C3orf20: variants seen among roughly 807,000 people sequenced by gnomAD.
C3orf20 encodes family with sequence similarity 149 member C.
Under a neutral mutation model 88.3 loss-of-function variants are expected in C3orf20, and 76 were observed. The observed-to-expected ratio is 0.86, with a 90% CI of 0.72 to 1.04. C3orf20 has a LOEUF of 1.04. C3orf20 is among the 50% of genes least tolerant of loss of function. The pLI is 0.00. For missense variants in C3orf20, 1,056 were observed against 1,123.3 expected (o/e 0.94, Z 0.86); for synonymous variants, 436 against 437.4 (o/e 1.00, Z 0.04).
intron 12 of C3orf20, among the ~76,000 whole-genome samples, chr3:14,732,628 C>T (rs545862659): frequency 3.3e-5 from 5 of 152,234 alleles, no homozygotes; most frequent in South Asian, 2.1e-4. Context: ...TTTATTATCA[C>T]GACTAGGGAG....
At chr3:14,763,260 C>T (rs1304046918) in intron 15 of C3orf20, among the ~76,000 whole-genome samples, 1 of 152,148 alleles carries the variant, frequency 6.6e-6, no homozygotes, top group Admixed American at 6.5e-5. Context: ...AATGTCTTAG[C>T]CTGTTGAACA....
Position 14,683,493 on chromosome 3 carries a change from G to A in C3orf20, c.484+296G>A, listed in dbSNP as rs776463141. Among the ~76,000 whole-genome samples the A allele has an allele frequency of 2.0e-5, 3 of 152,124 alleles. No individual in the cohort carries two copies. In the East Asian group the frequency reaches 5.8e-4, roughly 29 times the overall value. On this transcript the variant is annotated intron_variant, in intron 3 of 16. Coordinates refer to ENST00000253697, the MANE Select transcript of C3orf20 (RefSeq NM_032137.5). ...AGGTGCGGAGACAGCACCCATGTCC[G>A]GGTGGCATATGAAGTTTTCAAACCA...
In C3orf20 at chr3:14,682,724, T is replaced by A; in HGVS notation, c.11T>A (p.Ile4Asn). MSYIKSNLELYQQY... is the reference protein window; with the variant it reads MSYNKSNLELYQQY... ...CTGAAGGTCCCTCTCATGAGTTACA[T>A]CAAGAGTAACCTAGAATTATATCAG... Residue 4 changes from isoleucine (I) to asparagine (N), a missense_variant, in exon 3 of 17, where the codon ATC becomes AAC. Ile to Asn is a moderately radical substitution (Grantham distance 149). Transcript: ENST00000253697. The A allele has an allele frequency of 6.2e-7, 1 of 1,609,596 alleles. No individual in the cohort carries two copies. The highest frequency in any genetic ancestry group is 8.5e-7 in the Non-Finnish European group (1 of 1,177,616).
chr3:14,761,598 G>A lies in C3orf20; in HGVS notation c.2478G>A (p.Pro826=), dbSNP rs369854080. 2.9e-5 allele frequency: 46 copies of A among 1,613,916 alleles called. 1 individual carries two copies. Among genetic ancestry groups the A allele is most frequent in the South Asian group, 9.9e-5 (9 of 91,078 alleles). ...QQDYKMGYFL[P]DDYKFSVPNS... The stretch of plus-strand genomic sequence containing the variant: ...ATTACAAGATGGGCTACTTCCTGCC[G>A]GATGACTACAAATTCAGGTAAAACA... The change falls in exon 15 of 17, where the codon CCG becomes CCA. Residue 826 remains proline (P), a synonymous_variant. Transcript: ENST00000253697.
chr3:14,741,801 A>G (rs866025761), intron 12 of C3orf20, among the ~76,000 whole-genome samples: 1 of 152,240 alleles, frequency 6.6e-6, no homozygotes, highest in Non-Finnish European at 1.5e-5. Context: ...GTAGCAACTC[A>G]GGGCAGTTTT....
In C3orf20 at chr3:14,744,725, G is replaced by A. The variant is rs767794032; in HGVS notation, c.1941-12646G>A. ...ACATGGCGACGACAAGAGAAAATGA[G>A]GAAGAAGCAAAAGCAGAAACCCCTG... On this transcript the variant is annotated intron_variant, in intron 12 of 16. Transcript: ENST00000253697. Among the ~76,000 whole-genome samples the A allele has an allele frequency of 3.8e-4, 57 of 151,934 alleles. 2 individuals carry two copies. The highest frequency in any genetic ancestry group is 6.5e-4 in the Non-Finnish European group (44 of 68,032).
chr3:14,742,293 C>T (rs187781351), intron 12 of C3orf20, among the ~76,000 whole-genome samples: 5 of 152,214 alleles, frequency 3.3e-5, no homozygotes, highest in East Asian at 1.9e-4. Flanking sequence ...GTAACAATGG[C>T]GTCACTGACT....
At chr3:14,758,894 G>C (rs576996443) in intron 13 of C3orf20, among the ~76,000 whole-genome samples, 1 of 152,330 alleles carries the variant, frequency 6.6e-6, no homozygotes, top group Admixed American at 6.5e-5. Flanking sequence ...GTTCAATCCA[G>C]TGAGCATGTA....
intron 13 of C3orf20, 37 bp from the exon 14 acceptor site, chr3:14,759,854 A>G: frequency 6.5e-7 from 1 of 1,548,544 alleles, no homozygotes; most frequent in Non-Finnish European, 8.9e-7. Flanking sequence ...TCTTATTGGC[A>G]TGGGGGTGAC....
Position 14,772,029 on chromosome 3 carries a change from G to C in C3orf20, c.2496-38G>C. 6 of 1,613,062 alleles carry C rather than the reference G, an allele frequency of 3.7e-6. No individual in the cohort carries two copies. The highest frequency in any genetic ancestry group is 5.1e-6 in the Non-Finnish European group (6 of 1,179,406). ...ATGGGACAGCGTGCAGTGCACCCTG[G>C]GCCCTGAGCACTGCCCCCGACCCTG... On this transcript the variant is annotated intron_variant, in intron 15 of 16. Coordinates refer to ENST00000253697, the MANE Select transcript of C3orf20 (RefSeq NM_032137.5). This position sits in a 1 kb window ranked among gnomAD's most constrained non-coding sequence, Gnocchi z 4.2.
rs530102655 is a variant in C3orf20, at chr3:14,707,118, G to A, written c.1160+2500G>A. Among the ~76,000 whole-genome samples, 71 of 151,888 alleles carry A rather than the reference G, an allele frequency of 4.7e-4. No homozygotes were observed. The South Asian group carries it at 0.013, about 28-fold the overall frequency. ...CAAAAAATTAGCCGGGTGTGGTGGC[G>A]GGCGCCTGTAGTCCCAGCTACTCAG... On this transcript the variant is annotated intron_variant, in intron 7 of 16. Coordinates refer to ENST00000253697, the MANE Select transcript of C3orf20 (RefSeq NM_032137.5).
chr3:14,754,930 G>T (rs897108538), intron 12 of C3orf20, among the ~76,000 whole-genome samples: 7 of 152,052 alleles, frequency 4.6e-5, no homozygotes, highest in Non-Finnish European at 7.4e-5. Flanking sequence ...TTGCTATGTT[G>T]TCCAGCCTTG....
Position 14,680,735 on chromosome 3 carries a change from G to T in C3orf20, c.-298-1435G>T, listed in dbSNP as rs147638350. Among the ~76,000 whole-genome samples, 1,003 of 152,200 alleles carry T rather than the reference G, an allele frequency of 6.6e-3. 13 individuals carry two copies. The highest frequency in any genetic ancestry group is 0.023 in the African/African-American group (939 of 41,520). ...AAACAAAGGAACTGGTGGCAGGGGG[G>T]ATAAGTTTCCCAAACCAGTTAATAT... On this transcript the variant is annotated intron_variant, in intron 1 of 16. Coordinates refer to ENST00000253697, the MANE Select transcript of C3orf20 (RefSeq NM_032137.5).
At chr3:14,760,103 G>C in intron 14 of C3orf20, 105 bp downstream of exon 14, 1 of 871,884 alleles carries the variant, frequency 1.1e-6, no homozygotes. Context: ...AGGAGAAGAA[G>C]GGAGGGGCTG....
At chr3:14,721,843 C>A in intron 10 of C3orf20, 59 bp downstream of exon 10, 1 of 1,601,030 alleles carries the variant, frequency 6.2e-7, no homozygotes, top group South Asian at 1.1e-5. Flanking sequence ...ACGTGGGTTG[C>A]TGTTTCATAT....
At position 14,726,947 on chromosome 3, in the gene C3orf20, G is replaced by T; in HGVS notation, c.1613G>T (p.Ser538Ile). The T allele has an allele frequency of 6.2e-7, 1 of 1,614,144 alleles. No homozygotes were observed. The highest frequency in any genetic ancestry group is 8.5e-7 in the Non-Finnish European group (1 of 1,180,022). Residue 538 changes from serine to isoleucine, a missense_variant, in exon 11 of 17, where the codon AGC (serine) becomes ATC (isoleucine). By Grantham distance (142) the Ser-to-Ile change is moderately radical (BLOSUM62 -2). Coordinates refer to ENST00000253697, the MANE Select transcript of C3orf20 (RefSeq NM_032137.5). ...ATGGACGACAAGGTGTATAAGATGA[G>T]CCGAGCCCTGGCTGAGATCAAGAAG... ...SNMDDKVYKM[S>I]RALAEIKKRF...
At chr3:14,737,956 C>T (rs948202876) in intron 12 of C3orf20, among the ~76,000 whole-genome samples, 7 of 152,168 alleles carry the variant, frequency 4.6e-5, no homozygotes, top group African/African-American at 1.7e-4. Flanking sequence ...TTCATCCCTT[C>T]AAGTTTATTC....
chr3:14,717,679 T>C (rs78050753), intron 9 of C3orf20, among the ~76,000 whole-genome samples: 2 of 152,184 alleles, frequency 1.3e-5, no homozygotes, highest in Non-Finnish European at 2.9e-5. Flanking sequence ...CATTACTCTC[T>C]GAAGATCCAA....
chr3:14,694,463 A>G (rs1026217673), intron 5 of C3orf20, among the ~76,000 whole-genome samples: 12 of 152,182 alleles, frequency 7.9e-5, no homozygotes, highest in Non-Finnish European at 1.6e-4. Context: ...AGATTTCCCA[A>G]TTTATTGACA....
Sources: allele counts gnomAD v4.1 joint callset (sites outside exome capture counted in the v4.1 genomes callset), GRCh38; gene constraint gnomAD v4.1.1; non-coding constraint Gnocchi (gnomAD v3.1); transcripts MANE v1.5; gene names NCBI Gene and HGNC (gene_info 2026-07-23, HGNC 2026-07-21).